The following CATSPERE variants were observed in gnomAD, a reference collection of about 807,000 sequenced individuals.
CATSPERE encodes catsper channel auxiliary subunit epsilon, also known as cation channel sperm-associated auxiliary subunit epsilon.
CATSPERE carries 93 observed loss-of-function variants against 114.1 expected under a neutral mutation model. That is an observed-to-expected ratio of 0.81 (90% CI 0.69 to 0.97). The LOEUF is 0.97. Among genes scored for constraint, CATSPERE ranks in the 50% least tolerant of loss-of-function variants. The pLI is 0.00. For synonymous variants in CATSPERE, 341 were observed against 384.1 expected, an observed-to-expected ratio of 0.89 and a Z score of 1.31; for missense variants, 1,058 against 1,131.6, an observed-to-expected ratio of 0.93 and a Z score of 0.93.
chr1:244,538,470 G>T (rs78808826), intron 8 of CATSPERE, among the ~76,000 whole-genome samples: 5 of 152,116 alleles, frequency 3.3e-5, no homozygotes, highest in Non-Finnish European at 5.9e-5. Context: ...TGGTAGAATT[G>T]GAGTTCTCTG....
intron 9 of CATSPERE, among the ~76,000 whole-genome samples, chr1:244,553,636 C>CAA (rs1661116636): frequency 1.5e-5 from 2 of 137,324 alleles, no homozygotes; most frequent in African/African-American, 5.5e-5. Flanking sequence ...CACACACACA[C>CAA]ACACACACAT....
upstream of CATSPERE, among the ~76,000 whole-genome samples, chr1:244,459,183 A>G (rs4658641): frequency 0.22 from 33,209 of 151,574 alleles, 4,164 homozygotes; most frequent in African/African-American, 0.33. Context: ...GGTTCAAACA[A>G]TTCTCCTGCC....
upstream of CATSPERE, chr1:244,457,430 G>C (rs1294838090): frequency 1.3e-5 from 2 of 152,152 alleles, no homozygotes; most frequent in African/African-American, 4.8e-5. Context: ...TTTTGAAGAT[G>C]ATTTTTATGT....
chr1:244,546,793 G>A (rs1055103179), intron 8 of CATSPERE, among the ~76,000 whole-genome samples: 3 of 151,900 alleles, frequency 2.0e-5, no homozygotes, highest in Non-Finnish European at 4.4e-5. Context: ...AGTTATGATG[G>A]AAAAAAAGAA....
chr1:244,590,971 G>T (rs1667653351), intron 14 of CATSPERE, among the ~76,000 whole-genome samples: 1 of 152,164 alleles, frequency 6.6e-6, no homozygotes, highest in African/African-American at 2.4e-5. Context: ...GGAATTGCTA[G>T]GTTGTATGGT....
In CATSPERE at chr1:244,590,968, C is replaced by G. The variant is rs146213122; in HGVS notation, c.2139-713C>G. Among the ~76,000 whole-genome samples, 457 of 152,232 alleles carry G rather than the reference C, an allele frequency of 3.0e-3. 3 individuals are homozygous for G. The highest frequency in any genetic ancestry group is 0.01 in the African/African-American group (436 of 41,548). ...GGGTATCTACCTAGGAGTGGAATTG[C>G]TAGGTTGTATGGTAATCCTATGTTT... On this transcript the variant is annotated intron_variant, in intron 14 of 21. Transcript: ENST00000366534.
intron 2 of CATSPERE, among the ~76,000 whole-genome samples, chr1:244,467,208 A>G (rs959927690): frequency 3.9e-4 from 60 of 152,220 alleles, no homozygotes; most frequent in African/African-American, 1.4e-3. Context: ...ATAAATATTT[A>G]TAATTTGAAC....
At chr1:244,564,942 G>C (rs1258878824) in intron 10 of CATSPERE, among the ~76,000 whole-genome samples, 1 of 152,124 alleles carries the variant, frequency 6.6e-6, no homozygotes, top group East Asian at 1.9e-4. Flanking sequence ...AGTTTATTGA[G>C]AGTTTTTAGC....
intron 7 of CATSPERE, among the ~76,000 whole-genome samples, chr1:244,514,178 T>C (rs1441346975): frequency 6.6e-6 from 1 of 152,180 alleles, no homozygotes; most frequent in African/African-American, 2.4e-5. Context: ...ATGTCATGAA[T>C]ATTTTTCCCT....
At chr1:244,567,716 T>C (rs1279918167) in intron 10 of CATSPERE, among the ~76,000 whole-genome samples, 2 of 152,102 alleles carry the variant, frequency 1.3e-5, no homozygotes, top group East Asian at 3.9e-4. Flanking sequence ...TTCTCTACAT[T>C]GGTTATTCTA....
At chr1:244,627,986 A>G (rs1300258855) in intron 20 of CATSPERE, among the ~76,000 whole-genome samples, 2 of 152,236 alleles carry the variant, frequency 1.3e-5, no homozygotes, top group South Asian at 2.1e-4. Context: ...CCTGCCTGAT[A>G]GTCACTTAAT....
intron 20 of CATSPERE, among the ~76,000 whole-genome samples, chr1:244,634,391 G>A (rs775172516): frequency 6.6e-6 from 1 of 152,116 alleles, no homozygotes; most frequent in Non-Finnish European, 1.5e-5. Flanking sequence ...TGAAGCATCT[G>A]GGTGAAAATC....
At position 244,607,693 on chromosome 1, in the gene CATSPERE, A is replaced by T. The variant is rs1572982480; in HGVS notation, c.2403+1899A>T. ...GCAACAAGTAAGGCTGGAGTAGATG[A>T]GAGCTGGAATGCAAGGAGCCACTAC... On this transcript the variant is annotated intron_variant, in intron 18 of 21. Coordinates refer to ENST00000366534, the MANE Select transcript of CATSPERE (RefSeq NM_001130957.2). The surrounding 1 kb of genome is among the most constrained non-coding windows in gnomAD (Gnocchi z 4.4). Among the ~76,000 whole-genome samples the T allele has an allele frequency of 6.6e-6, 1 of 152,364 alleles. No homozygotes were observed. Among genetic ancestry groups the T allele is most frequent in the Middle Eastern group, 3.4e-3 (1 of 294 alleles).
intron 5 of CATSPERE, among the ~76,000 whole-genome samples, chr1:244,490,169 T>C (rs539268728): frequency 6.6e-6 from 1 of 152,144 alleles, no homozygotes; most frequent in Non-Finnish European, 1.5e-5. Flanking sequence ...TCATTATTAA[T>C]CTTAGCGTGA....
chr1:244,500,502 A>G (rs756453230), intron 7 of CATSPERE, among the ~76,000 whole-genome samples: 4 of 152,138 alleles, frequency 2.6e-5, no homozygotes, highest in Non-Finnish European at 5.9e-5. Flanking sequence ...TCTTTAATCC[A>G]TCTTAAGTTA....
intron 7 of CATSPERE, among the ~76,000 whole-genome samples, chr1:244,500,205 T>C (rs1673810587): frequency 6.6e-6 from 1 of 152,214 alleles, no homozygotes; most frequent in South Asian, 2.1e-4. Flanking sequence ...TTTTTTTAAT[T>C]GTAAATTTGT....
At chr1:244,524,555 T>C (rs1040722169) in intron 8 of CATSPERE, among the ~76,000 whole-genome samples, 5 of 150,844 alleles carry the variant, frequency 3.3e-5, no homozygotes, top group Non-Finnish European at 7.4e-5. Context: ...ACAGGCCACC[T>C]ACAAAATGTG....
chr1:244,479,637 C>T, intron 4 of CATSPERE, 80 bp from the exon 5 acceptor site: 1 of 757,984 alleles, frequency 1.3e-6, no homozygotes. Context: ...CTTACTTCCT[C>T]TGTGACTTCT....
intron 7 of CATSPERE, among the ~76,000 whole-genome samples, chr1:244,499,319 TTTTA>T (rs1441491133): frequency 1.6e-4 from 25 of 152,288 alleles, no homozygotes; most frequent in East Asian, 1.3e-3. Context: ...TCTTTTTTCT[TTTTA>T]TTTATTTATT....
Sources: gnomAD v4.1 joint callset for allele counts (sites outside exome capture counted in the v4.1 genomes callset) on GRCh38, gnomAD v4.1.1 for gene constraint, Gnocchi (gnomAD v3.1) non-coding constraint, MANE v1.5 for transcripts, NCBI Gene and HGNC (gene_info 2026-07-23, HGNC 2026-07-21) for gene names.